SPAG16: variants seen among roughly 807,000 people sequenced by gnomAD.
SPAG16 encodes the protein sperm associated antigen 16.
Under a neutral mutation model 80.4 loss-of-function variants are expected in SPAG16, and 86 were observed. The observed-to-expected ratio is 1.07, with a 90% CI of 0.90 to 1.28. SPAG16 has a LOEUF of 1.28. SPAG16 is among the 50% of genes most tolerant of loss of function. The pLI is 0.00. For missense variants in SPAG16, 870 were observed against 765.3 expected (o/e 1.14, Z -1.61); for synonymous variants, 294 against 265.9 (o/e 1.11, Z -1.03).
chr2:213,951,299 T>C (rs954176674), intron 12 of SPAG16, among the ~76,000 whole-genome samples: 49 of 152,282 alleles, frequency 3.2e-4, no homozygotes, highest in Middle Eastern at 3.4e-3. Context: ...GTTGTCATAA[T>C]GATACAAAAT....
chr2:214,391,505 G>A (rs1329593393), intron 15 of SPAG16, among the ~76,000 whole-genome samples: 1 of 152,064 alleles, frequency 6.6e-6, no homozygotes, highest in Non-Finnish European at 1.5e-5. Context: ...ATTGAAGAAT[G>A]GGTTAAATAT....
At chr2:213,336,895 G>T (rs1365860004) in intron 5 of SPAG16, among the ~76,000 whole-genome samples, 1 of 152,120 alleles carries the variant, frequency 6.6e-6, no homozygotes. Context: ...TTAAGCAGGT[G>T]CCTGATCCCA....
intron 15 of SPAG16, among the ~76,000 whole-genome samples, chr2:214,386,783 G>A (rs574774024): frequency 5.9e-5 from 9 of 151,608 alleles, no homozygotes; most frequent in African/African-American, 1.7e-4. Flanking sequence ...AGGATCACTT[G>A]AGCCCAGGAG....
chr2:213,946,127 T>G (rs375055000), intron 12 of SPAG16, among the ~76,000 whole-genome samples: 2 of 152,136 alleles, frequency 1.3e-5, no homozygotes, highest in South Asian at 4.1e-4. Flanking sequence ...GGAAATTTTT[T>G]TGTGTGTGAT....
At chr2:213,815,783 A>T (rs2072495094) in intron 10 of SPAG16, among the ~76,000 whole-genome samples, 1 of 152,178 alleles carries the variant, frequency 6.6e-6, no homozygotes, top group Non-Finnish European at 1.5e-5. Context: ...TTTACTTATT[A>T]TACGTATAAC....
intron 13 of SPAG16, among the ~76,000 whole-genome samples, chr2:214,037,341 G>T (rs112431481): frequency 6.6e-6 from 1 of 151,580 alleles, no homozygotes; most frequent in Non-Finnish European, 1.5e-5. Flanking sequence ...TATTCCAATC[G>T]TATGACCTTT....
At chr2:214,172,890 A>C (rs2056928651) in intron 15 of SPAG16, among the ~76,000 whole-genome samples, 1 of 152,092 alleles carries the variant, frequency 6.6e-6, no homozygotes. Flanking sequence ...TTGGCTGCAT[A>C]AATGTCTTCT....
At chr2:213,531,439 C>T (rs1209541564) in intron 10 of SPAG16, among the ~76,000 whole-genome samples, 1 of 151,156 alleles carries the variant, frequency 6.6e-6, no homozygotes, top group East Asian at 1.9e-4. Flanking sequence ...TGCCTGCACT[C>T]AGCAATTTAG....
At chr2:213,801,029 A>G (rs1291164376) in intron 10 of SPAG16, among the ~76,000 whole-genome samples, 1 of 152,236 alleles carries the variant, frequency 6.6e-6, no homozygotes, top group Non-Finnish European at 1.5e-5. Context: ...GCATAAAAAC[A>G]ATAATGCCAA....
chr2:213,382,104 C>T (rs973753015), intron 9 of SPAG16, among the ~76,000 whole-genome samples: 5 of 151,994 alleles, frequency 3.3e-5, no homozygotes, highest in African/African-American at 7.3e-5. Flanking sequence ...CTCACAAAGC[C>T]GTAGGTATAG....
At chr2:213,722,154 A>C (rs906838900) in intron 10 of SPAG16, among the ~76,000 whole-genome samples, 11 of 152,236 alleles carry the variant, frequency 7.2e-5, no homozygotes, top group Non-Finnish European at 1.0e-4. Context: ...CTTATAAAGA[A>C]TTAAAAATGG....
intron 4 of SPAG16, among the ~76,000 whole-genome samples, chr2:213,315,593 A>G (rs897597958): frequency 3.3e-5 from 5 of 151,994 alleles, no homozygotes; most frequent in Non-Finnish European, 5.9e-5. Context: ...GCTTTGCTTT[A>G]GAGCATATCT....
At chr2:213,937,307 G>C (rs150077552) in intron 12 of SPAG16, among the ~76,000 whole-genome samples, 1 of 151,970 alleles carries the variant, frequency 6.6e-6, no homozygotes, top group Admixed American at 6.6e-5. Flanking sequence ...TGGATTATTG[G>C]TACATTAATA....
chr2:213,468,060 C>A (rs1367447780), intron 9 of SPAG16, among the ~76,000 whole-genome samples: 2 of 152,232 alleles, frequency 1.3e-5, no homozygotes, highest in East Asian at 3.9e-4. Flanking sequence ...TGTCCCATGG[C>A]CTGCTTCTGC....
At chr2:213,944,165 C>T (rs2106298685) in intron 12 of SPAG16, among the ~76,000 whole-genome samples, 1 of 152,314 alleles carries the variant, frequency 6.6e-6, no homozygotes, top group East Asian at 1.9e-4. Context: ...GGGTAATATT[C>T]TTGGTTCCAA....
intron 10 of SPAG16, among the ~76,000 whole-genome samples, chr2:213,816,921 A>C (rs1320523813): frequency 6.6e-6 from 1 of 151,994 alleles, no homozygotes; most frequent in African/African-American, 2.4e-5. Flanking sequence ...GACTTCTCTG[A>C]GTGCCAAGAA....
At chr2:213,852,428 A>G (rs1472125269) in intron 10 of SPAG16, among the ~76,000 whole-genome samples, 1 of 152,216 alleles carries the variant, frequency 6.6e-6, no homozygotes, top group Non-Finnish European at 1.5e-5. Context: ...TCAGTCTAAA[A>G]GCCCTATATG....
At chr2:213,906,799 A>T (rs181712013) in intron 11 of SPAG16, among the ~76,000 whole-genome samples, 1 of 152,208 alleles carries the variant, frequency 6.6e-6, no homozygotes, top group Admixed American at 6.5e-5. Context: ...GTGCTGGGCA[A>T]ATAATATCCA....
At chr2:213,543,490 A>T (rs2076520390) in intron 10 of SPAG16, among the ~76,000 whole-genome samples, 1 of 151,900 alleles carries the variant, frequency 6.6e-6, no homozygotes, top group Non-Finnish European at 1.5e-5. Context: ...ATCTTTCCCC[A>T]TTCCTAGGTA....
Sources: gnomAD v4.1 joint callset for allele counts (sites outside exome capture counted in the v4.1 genomes callset) on GRCh38, gnomAD v4.1.1 for gene constraint, MANE v1.5 for transcripts, NCBI Gene and HGNC (gene_info 2026-07-23, HGNC 2026-07-21) for gene names.